The following IMMP2L variants were observed in gnomAD, a reference collection of about 807,000 sequenced individuals.
The protein encoded by IMMP2L is inner mitochondrial membrane peptidase subunit 2.
A neutral mutation model predicts 19.3 loss-of-function variants in IMMP2L; 18 were observed. The ratio of observed to expected loss-of-function variants is 0.93; its 90% CI spans 0.64 to 1.38. The LOEUF is 1.38. Ranked by LOEUF, IMMP2L falls within the 40% of genes most tolerant of loss-of-function variation. IMMP2L has a pLI of 0.00. For synonymous variants in IMMP2L, 76 were observed against 73.0 expected, an observed-to-expected ratio of 1.04 and a Z score of -0.21; for missense variants, 233 against 218.2, an observed-to-expected ratio of 1.07 and a Z score of -0.43.
At chr7:111,508,191 A>G (rs1299599351) in intron 2 of IMMP2L, among the ~76,000 whole-genome samples, 1 of 152,150 alleles carries the variant, frequency 6.6e-6, no homozygotes, top group Non-Finnish European at 1.5e-5. Context: ...AGAAAGAAAA[A>G]AATTCACTGA....
intron 5 of IMMP2L, among the ~76,000 whole-genome samples, chr7:110,799,192 T>A: frequency 6.6e-6 from 1 of 152,038 alleles, no homozygotes; most frequent in Non-Finnish European, 1.5e-5. Flanking sequence ...TTACAAAGAA[T>A]GCCTAGAGTA....
At chr7:111,538,531 G>A (rs1161852219) in intron 1 of IMMP2L, among the ~76,000 whole-genome samples, 1 of 151,480 alleles carries the variant, frequency 6.6e-6, no homozygotes, top group Non-Finnish European at 1.5e-5. Context: ...TGGACACAGT[G>A]GTTCATGCCT....
At chr7:110,773,860 T>A (rs1584785161) in intron 5 of IMMP2L, among the ~76,000 whole-genome samples, 1 of 151,152 alleles carries the variant, frequency 6.6e-6, no homozygotes, top group African/African-American at 2.4e-5. Flanking sequence ...GTACTACTAT[T>A]CTTTAAACTA....
intron 5 of IMMP2L, among the ~76,000 whole-genome samples, chr7:110,730,610 C>T (rs897982202): frequency 2.0e-5 from 3 of 151,926 alleles, no homozygotes; most frequent in Non-Finnish European, 4.4e-5. Flanking sequence ...CTGCAAGCTC[C>T]GCCTCCCGGG....
intron 3 of IMMP2L, among the ~76,000 whole-genome samples, chr7:111,344,994 C>T (rs1395310279): frequency 6.6e-6 from 1 of 152,058 alleles, no homozygotes. Context: ...AACCCAGGGA[C>T]TCAACTCGGG....
At chr7:111,393,806 T>G (rs924959553) in intron 3 of IMMP2L, among the ~76,000 whole-genome samples, 4 of 152,162 alleles carry the variant, frequency 2.6e-5, no homozygotes, top group African/African-American at 9.7e-5. Context: ...TACTTGAAGA[T>G]ATGCAGACCC....
At chr7:111,067,345 A>T (rs1449219019) in intron 3 of IMMP2L, among the ~76,000 whole-genome samples, 2 of 152,186 alleles carry the variant, frequency 1.3e-5, no homozygotes, top group East Asian at 3.9e-4. Flanking sequence ...CTGACCTGGG[A>T]AGCTGACCTA....
chr7:110,935,922 A>G, intron 4 of IMMP2L, among the ~76,000 whole-genome samples: 1 of 152,140 alleles, frequency 6.6e-6, no homozygotes, highest in Non-Finnish European at 1.5e-5. Context: ...GATCTTTGAC[A>G]AACCTGACAA....
At chr7:110,682,659 T>C (rs576834441) in intron 5 of IMMP2L, among the ~76,000 whole-genome samples, 1 of 152,156 alleles carries the variant, frequency 6.6e-6, no homozygotes, top group African/African-American at 2.4e-5. Flanking sequence ...ATATGGGAAA[T>C]GATGAATTCA....
intron 4 of IMMP2L, among the ~76,000 whole-genome samples, chr7:110,911,171 T>TA (rs1025467769): frequency 7.2e-5 from 11 of 151,974 alleles, no homozygotes; most frequent in African/African-American, 2.2e-4. Flanking sequence ...CGTACACAGT[T>TA]AAAAAAAGGA....
At position 111,522,926 on chromosome 7, in the gene IMMP2L, C is replaced by CATATATATATATATATATATATATATAT. The variant is rs148789480; in HGVS notation, c.-2-1478_-2-1477insATATATATATATATATATATATATATAT. ...TGAATGAACTTTAAGATGTGAGATA[C>CATATATATATATATATATATATATATAT]ATATATATATATTATTTCACCATAA... On this transcript the variant is annotated intron_variant, in intron 1 of 5. Coordinates refer to ENST00000405709, the MANE Select transcript of IMMP2L (RefSeq NM_032549.4). Among the ~76,000 whole-genome samples the CATATATATATATATATATATATATATAT allele has an allele frequency of 7.1e-4, 96 of 134,918 alleles. 1 individual carries two copies. The highest frequency in any genetic ancestry group is 1.7e-3 in the Admixed American group (24 of 14,102). The allele number at this position is 134,918 out of a possible 152,430, so 88.5% of individuals were successfully genotyped here.
chr7:110,735,744 C>T (rs1467314842), intron 5 of IMMP2L, among the ~76,000 whole-genome samples: 5 of 131,980 alleles, frequency 3.8e-5, no homozygotes, highest in Non-Finnish European at 7.8e-5. Context: ...GACATGGTAA[C>T]GTGTGCCTGT....
chr7:110,865,634 C>T (rs1241978862), intron 5 of IMMP2L, among the ~76,000 whole-genome samples: 1 of 151,948 alleles, frequency 6.6e-6, no homozygotes, highest in Non-Finnish European at 1.5e-5. Context: ...GACTTAATCA[C>T]AAAAGACACC....
intron 5 of IMMP2L, among the ~76,000 whole-genome samples, chr7:110,721,314 G>C (rs1673225510): frequency 6.6e-6 from 1 of 152,092 alleles, no homozygotes; most frequent in South Asian, 2.1e-4. Flanking sequence ...ATTGCGAAGT[G>C]TTTGGCCAGT....
intron 5 of IMMP2L, among the ~76,000 whole-genome samples, chr7:110,871,956 A>T (rs1389033911): frequency 1.3e-5 from 2 of 152,138 alleles, no homozygotes; most frequent in Non-Finnish European, 2.9e-5. Context: ...AACAAAGAAT[A>T]GCCAAGCAAA....
At chr7:111,129,306 G>A (rs1020915455) in intron 3 of IMMP2L, among the ~76,000 whole-genome samples, 2 of 151,960 alleles carry the variant, frequency 1.3e-5, no homozygotes, top group African/African-American at 2.4e-5. Context: ...TAACTAAATT[G>A]TGGCTATATT....
intron 3 of IMMP2L, among the ~76,000 whole-genome samples, chr7:110,992,492 A>G (rs1822583363): frequency 6.6e-6 from 1 of 151,994 alleles, no homozygotes; most frequent in Non-Finnish European, 1.5e-5. Context: ...TAAAAATAAG[A>G]TAAATCATAA....
rs1562903339 is a variant in IMMP2L, at chr7:110,669,087, GTGTA to G, written c.409-5370_409-5367del. Among the ~76,000 whole-genome samples the G allele has an allele frequency of 2.6e-3, 318 of 124,202 alleles. 2 individuals are homozygous for G. Among genetic ancestry groups the G allele is most frequent in the East Asian group, 0.015 (60 of 3,994 alleles). The allele number at this position is 124,202 out of a possible 152,430, so 81.5% of individuals were successfully genotyped here. ...TGTGTGTGTGTGTGTGTGTGTGTGT[GTGTA>G]TATGTATATATATATATAGAGAGAG... On this transcript the variant is annotated intron_variant, in intron 5 of 5. Transcript: ENST00000405709.
chr7:111,085,405 G>C (rs1796232923), intron 3 of IMMP2L, among the ~76,000 whole-genome samples: 1 of 152,134 alleles, frequency 6.6e-6, no homozygotes, highest in African/African-American at 2.4e-5. Context: ...CTCGTCAGTA[G>C]ATTGAAGCTA....
Sources: gnomAD v4.1 joint callset for allele counts (sites outside exome capture counted in the v4.1 genomes callset) on GRCh38, gnomAD v4.1.1 for gene constraint, MANE v1.5 for transcripts, NCBI Gene and HGNC (gene_info 2026-07-23, HGNC 2026-07-21) for gene names.